The following NUP93 variants were observed in gnomAD, a reference collection of about 807,000 sequenced individuals.
NUP93 encodes nuclear pore complex protein Nup93.
In NUP93, 55 loss-of-function variants were observed where a neutral mutation model predicts 107.8. That is an observed-to-expected ratio of 0.51 (90% confidence interval 0.41 to 0.64). The LOEUF is 0.64. Among genes scored for constraint, NUP93 ranks in the 30% least tolerant of loss-of-function variants. NUP93 has a pLI of 0.00. For missense variants in NUP93, 937 were observed against 1,044.7 expected, an observed-to-expected ratio of 0.90 and a Z score of 1.42; for synonymous variants, 390 against 397.5, an observed-to-expected ratio of 0.98 and a Z score of 0.22.
chr16:56,764,669 G>C (rs187587728), intron 3 of NUP93, among the ~76,000 whole-genome samples: 248 of 152,300 alleles, frequency 1.6e-3, no homozygotes, highest in Middle Eastern at 3.4e-3. Context: ...GCAAGTAGTT[G>C]GTTGGGAACA....
chr16:56,827,080 T>C (rs1963683258), intron 8 of NUP93, among the ~76,000 whole-genome samples: 1 of 119,276 alleles, frequency 8.4e-6, no homozygotes, highest in Non-Finnish European at 1.9e-5. Flanking sequence ...TTTTGTTGAG[T>C]CTGTTTCCTG....
At chr16:56,798,454 G>T in intron 3 of NUP93, 22 bp from the exon 4 acceptor site, 2 of 1,607,800 alleles carry the variant, frequency 1.2e-6, no homozygotes, top group Admixed American at 1.7e-5. Flanking sequence ...TTTAAGTTGT[G>T]TTAATTTTCC....
In NUP93 at chr16:56,758,455, A is replaced by T. The variant is rs931541830; in HGVS notation, c.180-83A>T. ...TTTTGAATTAAAAATGCTCTCTAGT[A>T]TTTGATGAAGCATATTAGATGTCCT... On this transcript the variant is annotated intron_variant, in intron 2 of 21. Coordinates refer to ENST00000308159, the MANE Select transcript of NUP93 (RefSeq NM_014669.5). 2.0e-5 allele frequency: 20 copies of T among 1,001,818 alleles called. No homozygotes were observed. In the African/African-American group the frequency reaches 2.9e-4, roughly 14 times the overall value. The allele number at this position is 1,001,818 out of a possible 1,614,324, so 62.1% of individuals were successfully genotyped here.
intron 8 of NUP93, among the ~76,000 whole-genome samples, chr16:56,824,057 C>T (rs1963606321): frequency 6.6e-6 from 1 of 152,218 alleles, no homozygotes; most frequent in Non-Finnish European, 1.5e-5. Context: ...ATAAAAATCA[C>T]ACGTCAAAAA....
intron 19 of NUP93, 164 bp downstream of exon 19, chr16:56,839,233 C>CTTTTTTTTTTTTTTT (rs71152206): frequency 1.9e-5 from 1 of 52,778 alleles, no homozygotes. Context: ...TCCTGTGTGG[C>CTTTTTTTTTTTTTTT]TTTTTTTTTT....
At chr16:56,810,226 A>T (rs1322324673) in intron 5 of NUP93, among the ~76,000 whole-genome samples, 4 of 152,192 alleles carry the variant, frequency 2.6e-5, no homozygotes, top group Admixed American at 6.5e-5. Context: ...GTCTTTCTTA[A>T]GATTATCCAG....
intron 8 of NUP93, among the ~76,000 whole-genome samples, chr16:56,824,090 C>G (rs539282499): frequency 8.5e-5 from 13 of 152,224 alleles, no homozygotes; most frequent in Admixed American, 3.3e-4. Flanking sequence ...GAGCACTGTT[C>G]GAATTCCCTT....
chr16:56,808,467 G>A (rs868313443), intron 5 of NUP93, among the ~76,000 whole-genome samples: 3 of 104,916 alleles, frequency 2.9e-5, no homozygotes, highest in Non-Finnish European at 3.5e-5. Flanking sequence ...ATATAGTTAT[G>A]TAACTATAAA....
At chr16:56,760,245 T>C (rs2144485122) in intron 3 of NUP93, among the ~76,000 whole-genome samples, 1 of 152,332 alleles carries the variant, frequency 6.6e-6, no homozygotes, top group South Asian at 2.1e-4. Context: ...GTTCACCTCT[T>C]GGCCAGGCAC....
At chr16:56,780,533 C>T (rs971438665) in intron 3 of NUP93, among the ~76,000 whole-genome samples, 3 of 152,152 alleles carry the variant, frequency 2.0e-5, no homozygotes, top group African/African-American at 7.2e-5. Flanking sequence ...AACATCTCAA[C>T]TCTGGGTATT....
At chr16:56,754,673 G>T (rs375368871) in intron 2 of NUP93, among the ~76,000 whole-genome samples, 1 of 152,216 alleles carries the variant, frequency 6.6e-6, no homozygotes, top group African/African-American at 2.4e-5. Context: ...TAGGCACATG[G>T]TGCAAACCAT....
chr16:56,759,478 C>T (rs1962085800), intron 3 of NUP93, among the ~76,000 whole-genome samples: 3 of 152,208 alleles, frequency 2.0e-5, no homozygotes. Flanking sequence ...CTAATGGCCA[C>T]ATTTCTCCTG....
intron 3 of NUP93, among the ~76,000 whole-genome samples, chr16:56,797,884 C>T (rs952038887): frequency 2.6e-5 from 4 of 152,304 alleles, no homozygotes; most frequent in Non-Finnish European, 4.4e-5. Flanking sequence ...TTATATTAAA[C>T]TAGACTTGTA....
At chr16:56,804,306 C>T (rs1206380540) in intron 4 of NUP93, among the ~76,000 whole-genome samples, 1 of 152,124 alleles carries the variant, frequency 6.6e-6, no homozygotes, top group Non-Finnish European at 1.5e-5. Context: ...GGAAGCAACC[C>T]AGGTGTCCAT....
intron 2 of NUP93, among the ~76,000 whole-genome samples, chr16:56,754,166 A>G (rs1265075543): frequency 6.6e-6 from 1 of 151,958 alleles, no homozygotes; most frequent in Non-Finnish European, 1.5e-5. Flanking sequence ...AAACAACCAA[A>G]TCTTATGGGA....
chr16:56,740,183 C>G (rs1204336225), intron 1 of NUP93, among the ~76,000 whole-genome samples: 7 of 145,816 alleles, frequency 4.8e-5, no homozygotes, highest in South Asian at 2.3e-4. Flanking sequence ...CTCCTCACTT[C>G]CCAGATGGGG....
intron 3 of NUP93, among the ~76,000 whole-genome samples, chr16:56,797,046 C>G (rs1962916163): frequency 2.6e-5 from 4 of 151,982 alleles, no homozygotes; most frequent in Admixed American, 2.6e-4. Context: ...AGGCAGATCA[C>G]TTGTGGTTGA....
At chr16:56,806,296 C>A (rs922474788) in intron 5 of NUP93, among the ~76,000 whole-genome samples, 4 of 151,812 alleles carry the variant, frequency 2.6e-5, no homozygotes, top group Non-Finnish European at 5.9e-5. Context: ...TCCAGTTAAC[C>A]CTACCTTAAA....
chr16:56,779,357 T>G (rs1414888807), intron 3 of NUP93, among the ~76,000 whole-genome samples: 1 of 152,256 alleles, frequency 6.6e-6, no homozygotes, highest in African/African-American at 2.4e-5. Context: ...CTTTAATCCC[T>G]TATATTAATG....
Sources: gnomAD v4.1 joint callset for allele counts (sites outside exome capture counted in the v4.1 genomes callset) on GRCh38, gnomAD v4.1.1 for gene constraint, MANE v1.5 for transcripts, NCBI Gene and HGNC (gene_info 2026-07-23, HGNC 2026-07-21) for gene names.